Variants in DLG2 observed in about 807,000 individuals in gnomAD.
DLG2 encodes the protein disks large homolog 2.
DLG2 carries 45 observed loss-of-function variants against 132.5 expected under a neutral mutation model. That is an observed-to-expected ratio of 0.34 (90% CI 0.27 to 0.44). The LOEUF is 0.44. DLG2 is among the 20% of genes least tolerant of loss of function. The pLI is 1.00. For missense variants in DLG2, 1,045 were observed against 1,196.9 expected (o/e 0.87, Z 1.87); for synonymous variants, 424 against 419.6 (o/e 1.01, Z -0.13).
At chr11:84,993,331 T>C (rs563293879) in intron 6 of DLG2, among the ~76,000 whole-genome samples, 10 of 152,134 alleles carry the variant, frequency 6.6e-5, no homozygotes, top group African/African-American at 2.4e-4. Flanking sequence ...AAAACCGAGA[T>C]GACAGGTTGA....
chr11:84,598,535 T>C (rs1373396667), intron 6 of DLG2, among the ~76,000 whole-genome samples: 1 of 152,162 alleles, frequency 6.6e-6, no homozygotes, highest in East Asian at 1.9e-4. Flanking sequence ...GAGAATTTCT[T>C]CCCAGGTACC....
chr11:84,780,373 A>G (rs2071516221), intron 6 of DLG2, among the ~76,000 whole-genome samples: 1 of 152,152 alleles, frequency 6.6e-6, no homozygotes, highest in East Asian at 1.9e-4. Context: ...TAGAAGCAAC[A>G]TACCTCAAAA....
rs368345571 is a variant in DLG2, at chr11:83,472,790, G to A, written c.2294-13C>T. 1.2e-6 allele frequency: 2 copies of A among 1,610,440 alleles called. No individual in the cohort carries two copies. Among genetic ancestry groups the A allele is most frequent in the African/African-American group, 2.7e-5 (2 of 74,714 alleles). ...TCTTCTTGTCCTCCTGAGAAGAGAAGGAAAGAAAACCACAGTGAACTAACA... is the reference window on the plus strand; with the variant it reads ...TCTTCTTGTCCTCCTGAGAAGAGAAAGAAAGAAAACCACAGTGAACTAACA... On this transcript the variant is annotated splice_polypyrimidine_tract_variant and intron_variant, in intron 22 of 27. Transcript: ENST00000376104.
At chr11:84,239,078 T>G (rs2097194515) in intron 8 of DLG2, among the ~76,000 whole-genome samples, 2 of 152,182 alleles carry the variant, frequency 1.3e-5, no homozygotes, top group Admixed American at 1.3e-4. Context: ...ATTAAAACAG[T>G]CAAATTCAAA....
At chr11:83,495,932 G>A (rs2094126288) in intron 21 of DLG2, among the ~76,000 whole-genome samples, 1 of 152,024 alleles carries the variant, frequency 6.6e-6, no homozygotes, top group Non-Finnish European at 1.5e-5. Context: ...AAGATTTATG[G>A]ATAGAATGTA....
intron 3 of DLG2, among the ~76,000 whole-genome samples, chr11:85,323,753 T>C (rs1188601236): frequency 3.3e-5 from 5 of 152,222 alleles, no homozygotes; most frequent in African/African-American, 1.2e-4. Flanking sequence ...GAATATACAA[T>C]ACTTGTATTT....
chr11:84,699,675 A>G (rs1168603907), intron 6 of DLG2, among the ~76,000 whole-genome samples: 1 of 151,512 alleles, frequency 6.6e-6, no homozygotes, highest in African/African-American at 2.4e-5. Flanking sequence ...CATTCTGACT[A>G]TCTTCGTCTC....
chr11:84,916,751 C>A (rs1195180279), intron 6 of DLG2, among the ~76,000 whole-genome samples: 1 of 152,178 alleles, frequency 6.6e-6, no homozygotes, highest in Non-Finnish European at 1.5e-5. Context: ...TCCCATCTCA[C>A]TGGGAAAGTC....
rs796593450 is a variant in DLG2 at position 83,724,881 on chromosome 11, G to A, written c.1825+61809C>T. ...CACAGCTCTTTAGCAAGTTTCCAGG[G>A]GTTTTCAGCATAGCAGGCAGCTGCT... On this transcript the variant is annotated intron_variant, in intron 18 of 27. Coordinates refer to ENST00000376104, the MANE Select transcript of DLG2 (RefSeq NM_001142699.3). The A allele has an allele frequency of 1.0e-5, 7 of 702,450 alleles. No individual in the cohort carries two copies. The African/African-American group carries it at 1.0e-4, about 10-fold the overall frequency. The allele number at this position is 702,450 out of a possible 1,614,324, so 43.5% of individuals were successfully genotyped here. A position where few individuals can be genotyped will look rare whatever the true frequency, so the allele number is the denominator to read the frequency against.
chr11:84,039,300 T>A, intron 11 of DLG2, among the ~76,000 whole-genome samples: 1 of 150,854 alleles, frequency 6.6e-6, no homozygotes, highest in Non-Finnish European at 1.5e-5. Context: ...ACATGTGCCA[T>A]GTTGGTGCGC....
intron 7 of DLG2, among the ~76,000 whole-genome samples, chr11:84,477,388 A>G (rs1567734834): frequency 6.6e-6 from 1 of 151,980 alleles, no homozygotes; most frequent in African/African-American, 2.4e-5. Flanking sequence ...CCAGCTACTC[A>G]GGAGGCTGAG....
intron 19 of DLG2, among the ~76,000 whole-genome samples, chr11:83,582,444 G>A (rs1455376373): frequency 6.6e-6 from 1 of 152,180 alleles, no homozygotes; most frequent in Non-Finnish European, 1.5e-5. Context: ...TTTACTGAAT[G>A]CTGATCATGT....
intron 6 of DLG2, among the ~76,000 whole-genome samples, chr11:84,778,311 A>C (rs1221649844): frequency 1.3e-5 from 2 of 152,042 alleles, no homozygotes; most frequent in African/African-American, 2.4e-5. Flanking sequence ...CTATTGATCC[A>C]TGTGTCTTTT....
chr11:83,718,097 A>C (rs1033853853), intron 18 of DLG2, among the ~76,000 whole-genome samples: 2 of 152,146 alleles, frequency 1.3e-5, no homozygotes, highest in Non-Finnish European at 2.9e-5. Context: ...TTGGGAGAAA[A>C]GATTGGTCAT....
intron 3 of DLG2, among the ~76,000 whole-genome samples, chr11:85,421,095 G>T (rs954425709): frequency 6.6e-6 from 1 of 152,224 alleles, no homozygotes; most frequent in Non-Finnish European, 1.5e-5. Context: ...CCCTGGTGGT[G>T]TAGGCACCTG....
At chr11:85,140,584 A>T (rs554459535) in intron 5 of DLG2, among the ~76,000 whole-genome samples, 2 of 151,604 alleles carry the variant, frequency 1.3e-5, no homozygotes, top group Admixed American at 6.6e-5. Context: ...TATTAGACAC[A>T]TTCCAATTCC....
chr11:83,951,025 C>T (rs553923262), intron 14 of DLG2, among the ~76,000 whole-genome samples: 50 of 151,036 alleles, frequency 3.3e-4, no homozygotes, highest in Non-Finnish European at 4.6e-4. Flanking sequence ...ATAAATGAAA[C>T]GAGAGATTAA....
At chr11:84,095,144 T>C (rs1287212868) in intron 10 of DLG2, among the ~76,000 whole-genome samples, 1 of 151,524 alleles carries the variant, frequency 6.6e-6, no homozygotes. Context: ...GAAGGAAATG[T>C]AGAAGGTATA....
chr11:85,021,763 T>C, intron 6 of DLG2: 1 of 583,204 alleles, frequency 1.7e-6, no homozygotes, highest in Non-Finnish European at 3.1e-6. Flanking sequence ...CTCCTACTCC[T>C]GGGTTCTACG....
Sources: allele counts gnomAD v4.1 joint callset (sites outside exome capture counted in the v4.1 genomes callset), GRCh38; gene constraint gnomAD v4.1.1; transcripts MANE v1.5; gene names NCBI Gene and HGNC (gene_info 2026-07-23, HGNC 2026-07-21).